The following RABGAP1L variants were observed in gnomAD, a reference collection of about 807,000 sequenced individuals.
RABGAP1L encodes rab GTPase-activating protein 1-like.
RABGAP1L carries 63 observed loss-of-function variants against 137.7 expected under a neutral mutation model. That is an observed-to-expected ratio of 0.46 (90% CI 0.37 to 0.56). RABGAP1L has a LOEUF of 0.56. Among genes scored for constraint, RABGAP1L ranks in the 20% least tolerant of loss-of-function variants. The pLI is 0.00. For missense variants in RABGAP1L, 1,095 were observed against 1,244.0 expected (o/e 0.88, Z 1.80); for synonymous variants, 431 against 433.7 (o/e 0.99, Z 0.08).
chr1:174,239,289 T>G (rs1671574780), intron 4 of RABGAP1L, among the ~76,000 whole-genome samples: 1 of 152,208 alleles, frequency 6.6e-6, no homozygotes, highest in Non-Finnish European at 1.5e-5. Flanking sequence ...TCTTGGCTCC[T>G]CTTCGATAAT....
At chr1:174,257,051 C>T (rs1312819940) in intron 7 of RABGAP1L, among the ~76,000 whole-genome samples, 1 of 152,116 alleles carries the variant, frequency 6.6e-6, no homozygotes, top group East Asian at 1.9e-4. Context: ...ACCTCCTCCC[C>T]CCAGTACTAT....
chr1:174,646,499 T>A (rs1206086945), intron 14 of RABGAP1L, among the ~76,000 whole-genome samples: 2 of 152,216 alleles, frequency 1.3e-5, no homozygotes, highest in African/African-American at 4.8e-5. Context: ...TTTGTCAGGT[T>A]TGTCAAATAT....
intron 19 of RABGAP1L, among the ~76,000 whole-genome samples, chr1:174,931,990 G>GTTTTTTTTTTT (rs532860564): frequency 3.9e-4 from 27 of 69,644 alleles, no homozygotes; most frequent in East Asian, 9.5e-4. Context: ...TGCTTTTTTG[G>GTTTTTTTTTTT]TTTTTTTTTT....
At chr1:174,750,877 C>A (rs752795892) in intron 17 of RABGAP1L, among the ~76,000 whole-genome samples, 2 of 152,074 alleles carry the variant, frequency 1.3e-5, no homozygotes, top group Non-Finnish European at 2.9e-5. Context: ...GGCAGTAGGT[C>A]TTTTTTATAT....
rs573316134 is a variant in RABGAP1L at position 174,427,736 on chromosome 1, G to A, written c.1710+33591G>A. On this transcript the variant is annotated intron_variant, in intron 13 of 25. Transcript: ENST00000681986. Reference sequence around the variant, plus strand: ...GAATCCTGGTGTTTATTCTAGATAAGACACCTACTATATAAAATAATATTT... The same window carrying A: ...GAATCCTGGTGTTTATTCTAGATAAAACACCTACTATATAAAATAATATTT... Among the ~76,000 whole-genome samples, 10 of 152,200 alleles carry A rather than the reference G, an allele frequency of 6.6e-5. No homozygotes were observed. In the East Asian group the frequency reaches 1.9e-3, roughly 29 times the overall value.
intron 14 of RABGAP1L, 42 bp from the exon 15 acceptor site, chr1:174,683,480 G>T: frequency 6.7e-7 from 1 of 1,485,120 alleles, no homozygotes; most frequent in Non-Finnish European, 9.4e-7. Flanking sequence ...GTTAAAATCT[G>T]TGACTATTTA....
intron 13 of RABGAP1L, among the ~76,000 whole-genome samples, chr1:174,541,793 T>C (rs959992180): frequency 2.0e-5 from 3 of 152,204 alleles, no homozygotes; most frequent in Non-Finnish European, 4.4e-5. Flanking sequence ...AAAAAAGTTT[T>C]TAGCGTGAAG....
intron 13 of RABGAP1L, among the ~76,000 whole-genome samples, chr1:174,423,167 A>G (rs547482757): frequency 2.0e-5 from 3 of 152,184 alleles, no homozygotes; most frequent in Non-Finnish European, 2.9e-5. Context: ...TATGGGTTAC[A>G]TAAGTAATGT....
intron 11 of RABGAP1L, among the ~76,000 whole-genome samples, chr1:174,327,995 A>ACG (rs1680665434): frequency 2.5e-5 from 2 of 81,034 alleles, no homozygotes; most frequent in African/African-American, 1.2e-4. Context: ...ACATATATAT[A>ACG]TATATATATA....
intron 20 of RABGAP1L, chr1:174,957,938 C>T: frequency 6.3e-7 from 1 of 1,576,334 alleles, no homozygotes; most frequent in Non-Finnish European, 8.6e-7. Context: ...TACTGGGAAT[C>T]TTCATAAGAA....
Position 174,702,271 on chromosome 1 carries a change from A to G in RABGAP1L, c.2169+15A>G, listed in dbSNP as rs1679719195. 2 of 1,569,276 alleles carry G rather than the reference A, an allele frequency of 1.3e-6. No individual in the cohort carries two copies. The highest frequency in any genetic ancestry group is 1.7e-6 in the Non-Finnish European group (2 of 1,159,232). ...TGCTTTGTGAGGTAGAGTGACTCCC[A>G]TCTTTCACTAAGCCAAAATAGAAAG... On this transcript the variant is annotated intron_variant, in intron 17 of 25. Coordinates refer to ENST00000681986, the MANE Select transcript of RABGAP1L (RefSeq NM_001366446.1).
chr1:174,371,761 A>T (rs185017516), intron 12 of RABGAP1L, among the ~76,000 whole-genome samples: 43 of 152,344 alleles, frequency 2.8e-4, no homozygotes, highest in African/African-American at 8.9e-4. Context: ...GATTACATGC[A>T]TGCGGGTAGT....
chr1:174,443,092 A>C (rs1027125030), intron 13 of RABGAP1L, among the ~76,000 whole-genome samples: 1 of 151,984 alleles, frequency 6.6e-6, no homozygotes, highest in Non-Finnish European at 1.5e-5. Flanking sequence ...GTATATACAT[A>C]TTGCTTTTTT....
intron 1 of RABGAP1L, among the ~76,000 whole-genome samples, chr1:174,195,785 T>TTTTCTTTTCTTTC (rs1667622510): frequency 8.9e-6 from 1 of 112,828 alleles, no homozygotes; most frequent in Non-Finnish European, 1.8e-5. Flanking sequence ...CCTTTCTTTC[T>TTTTCTTTTCTTTC]TTTCTTTCTT....
chr1:174,677,556 G>T (rs1677731832), intron 14 of RABGAP1L, among the ~76,000 whole-genome samples: 1 of 152,166 alleles, frequency 6.6e-6, no homozygotes, highest in East Asian at 1.9e-4. Flanking sequence ...GTTCCACAGT[G>T]GTCCTAGTTT....
intron 1 of RABGAP1L, 174 bp downstream of exon 1, chr1:174,159,831 C>T (rs1444674722): frequency 6.6e-6 from 1 of 152,312 alleles, no homozygotes; most frequent in Admixed American, 6.5e-5. Context: ...GGGGCGGGTT[C>T]AGGACTGTCG....
intron 19 of RABGAP1L, among the ~76,000 whole-genome samples, chr1:174,852,639 C>A (rs1648564274): frequency 6.6e-6 from 1 of 151,870 alleles, no homozygotes; most frequent in Non-Finnish European, 1.5e-5. Flanking sequence ...CATAGTGAAA[C>A]CCCATCGCTA....
chr1:174,612,051 T>G (rs1671302437), intron 13 of RABGAP1L, among the ~76,000 whole-genome samples: 1 of 152,232 alleles, frequency 6.6e-6, no homozygotes, highest in African/African-American at 2.4e-5. Context: ...CTTTATTTCC[T>G]TCTCCTGCCT....
intron 19 of RABGAP1L, among the ~76,000 whole-genome samples, chr1:174,866,755 T>C (rs1313583997): frequency 2.0e-5 from 3 of 150,740 alleles, no homozygotes; most frequent in Non-Finnish European, 4.4e-5. Context: ...CTACTAAAAA[T>C]ATAAAAAATG....
Sources: allele counts gnomAD v4.1 joint callset (sites outside exome capture counted in the v4.1 genomes callset), GRCh38; gene constraint gnomAD v4.1.1; transcripts MANE v1.5; gene names NCBI Gene and HGNC (gene_info 2026-07-23, HGNC 2026-07-21).